Variants in USP6NL observed in about 807,000 individuals in gnomAD.
USP6NL encodes the protein USP6 N-terminal like, also known as USP6 N-terminal-like protein.
Under a neutral mutation model 61.9 loss-of-function variants are expected in USP6NL, and 26 were observed. The observed-to-expected ratio is 0.42, with a 90% confidence interval of 0.31 to 0.58. USP6NL has a LOEUF of 0.58. Among genes scored for constraint, USP6NL ranks in the 20% least tolerant of loss-of-function variants. USP6NL has a pLI of 0.16. For synonymous variants in USP6NL, 432 were observed against 390.1 expected (o/e 1.11, Z -1.27); for missense variants, 1,114 against 1,034.3 (o/e 1.08, Z -1.06).
At chr10:11,517,094 A>G (rs1834989305) in intron 5 of USP6NL, among the ~76,000 whole-genome samples, 1 of 152,218 alleles carries the variant, frequency 6.6e-6, no homozygotes, top group African/African-American at 2.4e-5. Context: ...TTTGTTAAAG[A>G]TATCTTCCAA....
At chr10:11,586,423 G>A (rs1837967911) in intron 2 of USP6NL, among the ~76,000 whole-genome samples, 1 of 147,804 alleles carries the variant, frequency 6.8e-6, no homozygotes, top group South Asian at 2.1e-4. Flanking sequence ...AAATGGTTAA[G>A]TAAGTTATGA....
Position 11,473,751 on chromosome 10 carries a change from C to T in USP6NL, c.1078+8019G>A, listed in dbSNP as rs572746191. On this transcript the variant is annotated intron_variant, in intron 14 of 14. Transcript: ENST00000609104. ...GTAAGCTACTAATAATAATACTGAT[C>T]GCAAACTCCCCATGAAAACTATTCA... Among the ~76,000 whole-genome samples, 76 of 152,176 alleles carry T rather than the reference C, an allele frequency of 5.0e-4. 1 individual carries two copies. The South Asian group carries it at 0.016, about 31-fold the overall frequency.
At chr10:11,593,439 C>A (rs1302410036) in intron 2 of USP6NL, among the ~76,000 whole-genome samples, 1 of 152,108 alleles carries the variant, frequency 6.6e-6, no homozygotes, top group Non-Finnish European at 1.5e-5. Context: ...GATCTGAGAG[C>A]TCCTTTTAAA....
chr10:11,506,527 C>T (rs1021109513), intron 6 of USP6NL, among the ~76,000 whole-genome samples: 3 of 151,838 alleles, frequency 2.0e-5, no homozygotes, highest in African/African-American at 7.3e-5. Context: ...TGCTTGCCTA[C>T]AGTCCCAGCT....
At chr10:11,576,361 C>A (rs1348683533) in intron 2 of USP6NL, among the ~76,000 whole-genome samples, 1 of 152,056 alleles carries the variant, frequency 6.6e-6, no homozygotes, top group African/African-American at 2.4e-5. Flanking sequence ...CCCTCCATGC[C>A]GTGATCTGAA....
Position 11,521,258 on chromosome 10 carries a change from TAG to T in USP6NL, c.156-2686_156-2685del, listed in dbSNP as rs1835193194. 3.3e-5 allele frequency among the ~76,000 whole-genome samples: 5 copies of T among 149,780 alleles called. No individual in the cohort carries two copies. The South Asian group carries it at 1.0e-3, about 31-fold the overall frequency. On this transcript the variant is annotated intron_variant, in intron 4 of 14. Transcript: ENST00000609104. ...TTAAATTTAAGCCAGTCAAAATTTATAGGATTGGTAGAAAGAGTTCTCAAGCC... is the reference window on the plus strand; with the variant it reads ...TTAAATTTAAGCCAGTCAAAATTTATGATTGGTAGAAAGAGTTCTCAAGCC...
chr10:11,535,746 T>C (rs1835808392), intron 2 of USP6NL, among the ~76,000 whole-genome samples: 1 of 152,236 alleles, frequency 6.6e-6, no homozygotes, highest in South Asian at 2.1e-4. Flanking sequence ...CGCCTCTTAG[T>C]TACGTTTTTA....
chr10:11,521,780 T>C (rs1014402396), intron 4 of USP6NL, among the ~76,000 whole-genome samples: 2 of 152,250 alleles, frequency 1.3e-5, no homozygotes, highest in African/African-American at 4.8e-5. Flanking sequence ...TTTATAAATA[T>C]ACACATTTTG....
intron 4 of USP6NL, among the ~76,000 whole-genome samples, chr10:11,524,132 T>C (rs1250069624): frequency 6.6e-6 from 1 of 152,216 alleles, no homozygotes; most frequent in African/African-American, 2.4e-5. Flanking sequence ...GCTGTTATTC[T>C]AGTGAAGTTC....
chr10:11,493,932 C>T (rs1014157952), intron 7 of USP6NL, among the ~76,000 whole-genome samples: 1 of 152,202 alleles, frequency 6.6e-6, no homozygotes, highest in African/African-American at 2.4e-5. Flanking sequence ...GGTCTTGGAG[C>T]CTCCCTTCTC....
chr10:11,549,775 C>T (rs1380814865), intron 2 of USP6NL, among the ~76,000 whole-genome samples: 1 of 152,148 alleles, frequency 6.6e-6, no homozygotes, highest in South Asian at 2.1e-4. Context: ...AGTAGAAATT[C>T]TAGGAAGTTA....
chr10:11,586,999 T>G (rs1837991297), intron 2 of USP6NL, among the ~76,000 whole-genome samples: 1 of 152,104 alleles, frequency 6.6e-6, no homozygotes, highest in Non-Finnish European at 1.5e-5. Context: ...TGAGGACAGA[T>G]TCCCTTGCTC....
At position 11,489,311 on chromosome 10, in the gene USP6NL, A is replaced by G; in HGVS notation, c.544-89T>C. 1 of 1,530,196 alleles carries G rather than the reference A, an allele frequency of 6.5e-7. No individual in the cohort carries two copies. The highest frequency in any genetic ancestry group is 8.9e-7 in the Non-Finnish European group (1 of 1,128,582). 94.8% of individuals were successfully genotyped at this position (1,530,196 alleles called of 1,614,324 possible). On this transcript the variant is annotated intron_variant, in intron 9 of 14. Transcript: ENST00000609104. This position sits in a 1 kb window ranked among gnomAD's most constrained non-coding sequence, Gnocchi z 5.7. Reference sequence around the variant, plus strand: ...GAAAAAGCTACTCTATAAAAACCAGAAAATGCCTACACACATCATTTAATG... The same window carrying G: ...GAAAAAGCTACTCTATAAAAACCAGGAAATGCCTACACACATCATTTAATG...
Position 11,462,571 on chromosome 10 carries a change from A to C in USP6NL, c.2357T>G (p.Val786Gly). 1 of 1,613,956 alleles carries C rather than the reference A, an allele frequency of 6.2e-7. No homozygotes were observed. Among genetic ancestry groups the C allele is most frequent in the Non-Finnish European group, 8.5e-7 (1 of 1,179,890 alleles). ...GLPAVSVDSP[V>G]RYKASPAAED... ...TGCGGCCGGTGAAGCTTTATATCTC[A>C]CGGGACTATCTACAGAAACTGCAGG... is the stretch of plus-strand genomic sequence containing the variant. Residue 786 changes from valine to glycine, a missense_variant, in exon 15 of 15, where the codon GTG becomes GGG. Val to Gly is a moderately radical substitution (Grantham distance 109). Coordinates refer to ENST00000609104, the MANE Select transcript of USP6NL (RefSeq NM_014688.5).
At chr10:11,578,262 C>T (rs1345581167) in intron 2 of USP6NL, among the ~76,000 whole-genome samples, 1 of 152,250 alleles carries the variant, frequency 6.6e-6, no homozygotes, top group Non-Finnish European at 1.5e-5. Flanking sequence ...AGCCACCACA[C>T]CCAACCTCAT....
At chr10:11,509,715 TCTTTA>T (rs1426521904) in intron 5 of USP6NL, 40 bp from the exon 6 acceptor site, 3 of 1,482,086 alleles carry the variant, frequency 2.0e-6, no homozygotes, top group East Asian at 2.5e-5. Context: ...GTTGTTCGTT[TCTTTA>T]CTTATGAGTT....
chr10:11,577,659 A>G (rs1837600764), intron 2 of USP6NL, among the ~76,000 whole-genome samples: 1 of 151,338 alleles, frequency 6.6e-6, no homozygotes, highest in South Asian at 2.1e-4. Flanking sequence ...TTGCCACCAC[A>G]CCTATCTTTG....
intron 1 of USP6NL, among the ~76,000 whole-genome samples, chr10:11,603,431 T>C (rs1838612932): frequency 6.6e-6 from 1 of 152,244 alleles, no homozygotes; most frequent in African/African-American, 2.4e-5. Flanking sequence ...CTGCACATAA[T>C]GCCTGTGCTC....
intron 4 of USP6NL, among the ~76,000 whole-genome samples, chr10:11,521,347 T>C (rs1365742895): frequency 6.8e-6 from 1 of 147,194 alleles, no homozygotes; most frequent in Non-Finnish European, 1.5e-5. Flanking sequence ...TTATATATTA[T>C]TATATTATAT....
Sources: gnomAD v4.1 joint callset for allele counts (sites outside exome capture counted in the v4.1 genomes callset) on GRCh38, gnomAD v4.1.1 for gene constraint, Gnocchi (gnomAD v3.1) non-coding constraint, MANE v1.5 for transcripts, NCBI Gene and HGNC (gene_info 2026-07-23, HGNC 2026-07-21) for gene names.